STPG2: variants seen among roughly 807,000 people sequenced by gnomAD.
The protein encoded by STPG2 is sperm tail PG-rich repeat containing 2, also known as sperm-tail PG-rich repeat-containing protein 2.
In STPG2, 56 loss-of-function variants were observed where a neutral mutation model predicts 54.2. That is an observed-to-expected ratio of 1.03 (90% CI 0.83 to 1.29). The LOEUF (loss-of-function observed/expected upper bound fraction) is 1.29. STPG2 is among the 50% of genes most tolerant of loss of function. The pLI is 0.00. For synonymous variants in STPG2, 200 were observed against 181.8 expected (o/e 1.10, Z -0.81); for missense variants, 596 against 544.9 (o/e 1.09, Z -0.93).
intron 10 of STPG2, among the ~76,000 whole-genome samples, chr4:97,605,347 G>C (rs951496153): frequency 6.6e-6 from 1 of 151,706 alleles, no homozygotes; most frequent in Non-Finnish European, 1.5e-5. Context: ...AAAGCATTTA[G>C]AGTTTAAAAT....
chr4:97,888,019 T>C (rs1730641074), intron 8 of STPG2, among the ~76,000 whole-genome samples: 1 of 152,198 alleles, frequency 6.6e-6, no homozygotes, highest in South Asian at 2.1e-4. Flanking sequence ...GTATTAAGCC[T>C]GTGGGTGCAC....
At chr4:97,894,744 G>A (rs1369802221) in intron 8 of STPG2, among the ~76,000 whole-genome samples, 1 of 151,868 alleles carries the variant, frequency 6.6e-6, no homozygotes, top group Non-Finnish European at 1.5e-5. Context: ...GTCAGTTCAG[G>A]AAGCTTGCAC....
At chr4:98,010,511 C>G (rs1306060929) in intron 5 of STPG2, among the ~76,000 whole-genome samples, 2 of 152,118 alleles carry the variant, frequency 1.3e-5, no homozygotes, top group Non-Finnish European at 2.9e-5. Flanking sequence ...GTATGTGTGT[C>G]CTTAAACCTA....
At chr4:97,740,756 A>T (rs984592406) in intron 9 of STPG2, among the ~76,000 whole-genome samples, 7 of 152,236 alleles carry the variant, frequency 4.6e-5, no homozygotes, top group Non-Finnish European at 4.4e-5. Flanking sequence ...ATGAGTAGGA[A>T]GAATCAATAT....
At chr4:97,978,953 G>T (rs968156609) in intron 6 of STPG2, among the ~76,000 whole-genome samples, 1 of 152,038 alleles carries the variant, frequency 6.6e-6, no homozygotes, top group African/African-American at 2.4e-5. Context: ...CTTAGACAAT[G>T]GTGCCCTAAC....
At chr4:97,866,522 T>C (rs556237061) in intron 8 of STPG2, among the ~76,000 whole-genome samples, 113 of 98,748 alleles carry the variant, frequency 1.1e-3, no homozygotes, top group African/African-American at 5.2e-3. Context: ...TAGGGTAAAT[T>C]CTTTTTGAAA....
intron 9 of STPG2, among the ~76,000 whole-genome samples, chr4:97,835,114 G>A (rs150346425): frequency 1.0e-3 from 153 of 152,122 alleles, no homozygotes; most frequent in Middle Eastern, 3.4e-3. Context: ...ATAGGAGGTC[G>A]ACACAAGATA....
intron 5 of STPG2, among the ~76,000 whole-genome samples, chr4:97,991,754 C>T (rs892261634): frequency 6.6e-6 from 1 of 152,066 alleles, no homozygotes; most frequent in Non-Finnish European, 1.5e-5. Flanking sequence ...TCACCACATC[C>T]ATGCCAACAT....
intron 8 of STPG2, among the ~76,000 whole-genome samples, chr4:97,849,492 C>A (rs1301281798): frequency 5.3e-5 from 8 of 151,846 alleles, no homozygotes; most frequent in South Asian, 4.2e-4. Flanking sequence ...CAACCTACAA[C>A]ATGGGAGAAA....
In STPG2 at chr4:97,725,537, T is replaced by G. The variant is rs529765048; in HGVS notation, c.1205-12723A>C. Among the ~76,000 whole-genome samples the G allele has an allele frequency of 3.3e-5, 5 of 151,888 alleles. No homozygotes were observed. The South Asian group carries it at 1.0e-3, about 31-fold the overall frequency. On this transcript the variant is annotated intron_variant, in intron 9 of 10. Coordinates refer to ENST00000295268, the MANE Select transcript of STPG2 (RefSeq NM_174952.3). ...AAAACAAACAGCATTCTGAGAACAATGTACTCCAGGAGCACATAACTGTTG... is the reference window on the plus strand; with the variant it reads ...AAAACAAACAGCATTCTGAGAACAAGGTACTCCAGGAGCACATAACTGTTG...
chr4:97,920,701 G>T (rs58189705), intron 8 of STPG2, among the ~76,000 whole-genome samples: 19,410 of 152,118 alleles, frequency 0.13, 1,909 homozygotes, highest in African/African-American at 0.26. Context: ...CTGGCTGAGA[G>T]TAAAGGAAAC....
At chr4:98,033,806 T>G (rs1226129648) in intron 5 of STPG2, among the ~76,000 whole-genome samples, 7 of 152,036 alleles carry the variant, frequency 4.6e-5, no homozygotes, top group Non-Finnish European at 8.8e-5. Flanking sequence ...CATAGGCAAA[T>G]CAATAAATGT....
rs1035530334 is a variant in STPG2 at position 97,865,346 on chromosome 4, T to A, written c.1045-24414A>T. Among the ~76,000 whole-genome samples, 4 of 152,272 alleles carry A rather than the reference T, an allele frequency of 2.6e-5. No homozygotes were observed. The South Asian group carries it at 8.3e-4, about 32-fold the overall frequency. Reference sequence around the variant, plus strand: ...AGCCAAAAGACACATGAAAAAATGCTCATCATCACTGGCCATCAGAGAAAT... The same window carrying A: ...AGCCAAAAGACACATGAAAAAATGCACATCATCACTGGCCATCAGAGAAAT... On this transcript the variant is annotated intron_variant, in intron 8 of 10. Coordinates refer to ENST00000295268, the MANE Select transcript of STPG2 (RefSeq NM_174952.3).
At chr4:97,462,120 G>A (rs1729679264) in intron 4 of STPG2, among the ~76,000 whole-genome samples, 1 of 151,570 alleles carries the variant, frequency 6.6e-6, no homozygotes, top group Admixed American at 6.6e-5. Flanking sequence ...AATTTTGTAT[G>A]TAGTGTAAGA....
At chr4:97,733,100 GA>G (rs1201962867) in intron 9 of STPG2, among the ~76,000 whole-genome samples, 1 of 151,708 alleles carries the variant, frequency 6.6e-6, no homozygotes, top group Non-Finnish European at 1.5e-5. Context: ...CTATCCAAAG[GA>G]AAAAAATAAT....
At chr4:97,765,415 C>G (rs1376956526) in intron 9 of STPG2, among the ~76,000 whole-genome samples, 1 of 152,044 alleles carries the variant, frequency 6.6e-6, no homozygotes, top group Non-Finnish European at 1.5e-5. Context: ...ACAGTAAATC[C>G]CAGTGGGAGG....
chr4:97,863,860 T>G (rs1286057410), intron 8 of STPG2, among the ~76,000 whole-genome samples: 1 of 152,152 alleles, frequency 6.6e-6, no homozygotes, highest in Non-Finnish European at 1.5e-5. Flanking sequence ...CACATGATTA[T>G]CTCAATAGAT....
intron 10 of STPG2, among the ~76,000 whole-genome samples, chr4:97,679,156 G>T (rs991795870): frequency 2.0e-4 from 31 of 152,226 alleles, no homozygotes; most frequent in South Asian, 8.3e-4. Context: ...TGGGATGTCC[G>T]GGTCAAATGG....
chr4:97,679,158 G>A (rs1418104606), intron 10 of STPG2, among the ~76,000 whole-genome samples: 4 of 152,150 alleles, frequency 2.6e-5, no homozygotes, highest in Non-Finnish European at 5.9e-5. Context: ...GGATGTCCGG[G>A]TCAAATGGTA....
Sources: gnomAD v4.1 joint callset for allele counts (sites outside exome capture counted in the v4.1 genomes callset) on GRCh38, gnomAD v4.1.1 for gene constraint, MANE v1.5 for transcripts, NCBI Gene and HGNC (gene_info 2026-07-23, HGNC 2026-07-21) for gene names.